Variants in VPS13C observed in about 807,000 individuals in gnomAD.
The protein encoded by VPS13C is vacuolar protein sorting 13 homolog C.
A neutral mutation model predicts 456.8 loss-of-function variants in VPS13C; 358 were observed. The ratio of observed to expected loss-of-function variants is 0.78; its 90% CI spans 0.72 to 0.86. The LOEUF (loss-of-function observed/expected upper bound fraction) is 0.86. Among genes scored for constraint, VPS13C ranks in the 40% least tolerant of loss-of-function variants. VPS13C has a pLI of 0.00. For synonymous variants in VPS13C, 1,578 were observed against 1,486.7 expected (o/e 1.06, Z -1.41); for missense variants, 4,818 against 4,385.4 (o/e 1.10, Z -2.79).
At chr15:62,015,841 C>T (rs1596479914) in intron 9 of VPS13C, among the ~76,000 whole-genome samples, 3 of 137,990 alleles carry the variant, frequency 2.2e-5, no homozygotes, top group Non-Finnish European at 3.1e-5. Context: ...CTAGATGACA[C>T]GTTAGTGGGT....
chr15:61,952,691 T>C (rs528929697), intron 38 of VPS13C, among the ~76,000 whole-genome samples: 36 of 152,216 alleles, frequency 2.4e-4, no homozygotes, highest in African/African-American at 8.4e-4. Flanking sequence ...GTAGAGCCCA[T>C]TCCTTTAAAA....
At chr15:62,005,826 C>G (rs2046815962) in intron 15 of VPS13C, among the ~76,000 whole-genome samples, 1 of 151,862 alleles carries the variant, frequency 6.6e-6, no homozygotes, top group Admixed American at 6.6e-5. Flanking sequence ...CCTCAGCCTC[C>G]CGAGTAACTG....
intron 37 of VPS13C, among the ~76,000 whole-genome samples, chr15:61,956,066 G>A (rs770541399): frequency 3.0e-4 from 45 of 152,040 alleles, no homozygotes; most frequent in Non-Finnish European, 5.0e-4. Context: ...CAAAGACATG[G>A]AATCAACCTA....
rs564703937 is a variant in VPS13C at position 62,026,390 on chromosome 15, C to A, written c.448+1968G>T. Among the ~76,000 whole-genome samples, 10 of 152,174 alleles carry A rather than the reference C, an allele frequency of 6.6e-5. No homozygotes were observed. In the South Asian group the frequency reaches 1.9e-3, roughly 28 times the overall value. ...CATTATTTAATATCAAAAGTCACAT[C>A]TGTTAATATTACCACCAATCTCATC... On this transcript the variant is annotated intron_variant, in intron 6 of 84. Transcript: ENST00000644861.
chr15:61,885,391 G>T (rs1245072661), intron 67 of VPS13C, among the ~76,000 whole-genome samples: 1 of 152,020 alleles, frequency 6.6e-6, no homozygotes, highest in Admixed American at 6.6e-5. Context: ...ACTATTATTG[G>T]TGTTTAGTCA....
At chr15:61,936,109 G>T (rs10519144) in intron 48 of VPS13C, among the ~76,000 whole-genome samples, 10,326 of 152,050 alleles carry the variant, frequency 0.068, 583 homozygotes, top group East Asian at 0.2. Context: ...AATTCAAAAG[G>T]TTCACTGCTT....
intron 5 of VPS13C, among the ~76,000 whole-genome samples, chr15:62,029,203 T>C (rs1468595214): frequency 6.6e-6 from 1 of 152,074 alleles, no homozygotes; most frequent in Non-Finnish European, 1.5e-5. Context: ...GCAACAAAAA[T>C]AGCACCTATA....
At position 61,929,642 on chromosome 15, in the gene VPS13C, A is replaced by G. The variant is rs201010563; in HGVS notation, c.6145T>C (p.Tyr2049His). The change falls in exon 51 of 85, where the codon TAT (tyrosine) becomes CAT (histidine). Residue 2049 changes from tyrosine to histidine, a missense_variant. Tyr to His is a moderately conservative substitution (Grantham distance 83). This residue lies in a region of VPS13C where 4,552 missense variants were observed against 4,130.6 expected (regional missense o/e 1.10). Coordinates refer to ENST00000644861, the MANE Select transcript of VPS13C (RefSeq NM_020821.3). ...AGAAATTCCACACTGGCACATACAT[A>G]CAGCTTGTCAAGAACAGCATCAATT... ...SQIDAVLDKL[Y>H]VCASVEFLMT... is the part of the protein sequence containing the mutation. 35 of 1,614,026 alleles carry G rather than the reference A, an allele frequency of 2.2e-5. No homozygotes were observed. Among genetic ancestry groups the G allele is most frequent in the Non-Finnish European group, 2.7e-5 (32 of 1,180,018 alleles).
intron 48 of VPS13C, among the ~76,000 whole-genome samples, chr15:61,936,221 T>C (rs890130781): frequency 5.3e-5 from 8 of 152,200 alleles, no homozygotes; most frequent in African/African-American, 1.9e-4. Flanking sequence ...AATACCTTCC[T>C]TTCTCATGGT....
chr15:62,017,368 T>C (rs2047293646), intron 9 of VPS13C, among the ~76,000 whole-genome samples: 1 of 152,180 alleles, frequency 6.6e-6, no homozygotes, highest in Admixed American at 6.5e-5. Context: ...CCCATGCCTA[T>C]GTCCTGAATG....
intron 39 of VPS13C, 123 bp from the exon 40 acceptor site, chr15:61,951,147 T>G (rs2044778103): frequency 3.0e-5 from 17 of 575,428 alleles, no homozygotes. Context: ...CTAAAAAGAG[T>G]GAAGTATGTT....
intron 1 of VPS13C, among the ~76,000 whole-genome samples, chr15:62,052,160 A>G (rs1331204883): frequency 1.3e-5 from 2 of 152,234 alleles, no homozygotes; most frequent in Non-Finnish European, 2.9e-5. Flanking sequence ...GCCATAATCC[A>G]TGAAACTAGC....
intron 84 of VPS13C, 95 bp from the exon 85 acceptor site, chr15:61,854,653 A>G: frequency 7.9e-7 from 1 of 1,270,440 alleles, no homozygotes; most frequent in Non-Finnish European, 1.1e-6. Context: ...AAGCTCTCCA[A>G]ACAGGACCAA....
chr15:61,959,513 G>C lies in VPS13C; in HGVS notation c.3991C>G (p.Leu1331Val). ...ACCTTGTGGTACCAAGATGCAGCTA[G>C]ATTCCGATTTACAAGAAATTCCAAG... ...INLEFLVNRNLAASWYHKVPV... is the reference protein window; with the variant it reads ...INLEFLVNRNVAASWYHKVPV... The change falls in exon 36 of 85, where the codon CTA becomes GTA. Residue 1331 changes from leucine to valine, a missense_variant. Physicochemically the swap from Leu to Val is conservative, Grantham distance 32. This residue lies in a region of VPS13C where 4,552 missense variants were observed against 4,130.6 expected (regional missense o/e 1.10). Transcript: ENST00000644861. 2 of 1,613,148 alleles carry C rather than the reference G, an allele frequency of 1.2e-6. No homozygotes were observed. Among genetic ancestry groups the C allele is most frequent in the Non-Finnish European group, 1.7e-6 (2 of 1,179,402 alleles).
chr15:61,917,256 C>T (rs1301643690), intron 60 of VPS13C, 85 bp downstream of exon 60: 2 of 1,396,466 alleles, frequency 1.4e-6, no homozygotes, highest in Non-Finnish European at 1.9e-6. Flanking sequence ...ATATAAAACA[C>T]TGACCTCACT....
chr15:61,977,051 T>C, intron 24 of VPS13C, 31 bp downstream of exon 24: 1 of 1,477,576 alleles, frequency 6.8e-7, no homozygotes, highest in Non-Finnish European at 9.4e-7. Context: ...CACCTGTTGA[T>C]TTTCTAATAT....
At chr15:62,017,289 A>G (rs1596482575) in intron 9 of VPS13C, among the ~76,000 whole-genome samples, 1 of 152,212 alleles carries the variant, frequency 6.6e-6, no homozygotes, top group Admixed American at 6.5e-5. Flanking sequence ...CTTTAGTTAA[A>G]TTAGATCCCA....
chr15:61,939,860 G>A (rs2044356023), intron 47 of VPS13C, among the ~76,000 whole-genome samples: 3 of 152,040 alleles, frequency 2.0e-5, no homozygotes, highest in Admixed American at 6.6e-5. Flanking sequence ...CCAAGTGGAT[G>A]GCGGGTGCCT....
At chr15:61,864,623 T>G (rs1165835643) in intron 81 of VPS13C, 15 of 985,176 alleles carry the variant, frequency 1.5e-5, no homozygotes, top group Non-Finnish European at 1.7e-5. Flanking sequence ...ATATACATTT[T>G]TTAAAGTTGC....
Sources: gnomAD v4.1 joint callset for allele counts (sites outside exome capture counted in the v4.1 genomes callset) on GRCh38, gnomAD v4.1.1 for gene constraint, gnomAD v4.1.1 regional missense constraint, MANE v1.5 for transcripts, NCBI Gene and HGNC (gene_info 2026-07-23, HGNC 2026-07-21) for gene names.